Variants in SP1 observed in about 807,000 individuals in gnomAD.
SP1 encodes transcription factor Sp1.
Under a neutral mutation model 66.3 loss-of-function variants are expected in SP1, and 6 were observed. The ratio of observed to expected loss-of-function variants is 0.09; its 90% confidence interval spans 0.05 to 0.18. The LOEUF (loss-of-function observed/expected upper bound fraction) is 0.18. Ranked by LOEUF, SP1 falls within the 10% of genes least tolerant of loss-of-function variation. The probability of loss-of-function intolerance (pLI) is 1.00; values close to 1 mark genes in which losing one functional copy is unlikely to be tolerated. For synonymous variants in SP1, 417 were observed against 360.8 expected (o/e 1.16, Z -1.77); for missense variants, 848 against 964.5 (o/e 0.88, Z 1.60).
At chr12:53,404,542 CAAA>C (rs373558863) in intron 3 of SP1, among the ~76,000 whole-genome samples, 3 of 95,818 alleles carry the variant, frequency 3.1e-5, no homozygotes, top group Admixed American at 1.1e-4. Flanking sequence ...AACTCAGTCT[CAAA>C]AAAAAAAAAA....
intron 5 of SP1, among the ~76,000 whole-genome samples, chr12:53,410,114 C>T (rs982387932): frequency 3.3e-5 from 5 of 152,002 alleles, no homozygotes; most frequent in Non-Finnish European, 5.9e-5. Flanking sequence ...CAAGACCAGC[C>T]TGGCCAACAT....
At chr12:53,404,270 AC>A (rs1175808182) in intron 3 of SP1, among the ~76,000 whole-genome samples, 2 of 150,732 alleles carry the variant, frequency 1.3e-5, no homozygotes, top group African/African-American at 2.4e-5. Context: ...GCGGTGACTC[AC>A]GCCTGTAATC....
chr12:53,405,361 G>A (rs1053008769), intron 3 of SP1, among the ~76,000 whole-genome samples: 1 of 152,060 alleles, frequency 6.6e-6, no homozygotes, highest in Non-Finnish European at 1.5e-5. Context: ...ATCACTATTT[G>A]TGTATGAAAA....
chr12:53,380,610 G>A, intron 1 of SP1: 1 of 1,016,020 alleles, frequency 9.8e-7, no homozygotes, highest in Non-Finnish European at 1.2e-6. Flanking sequence ...CCTCCCGCCG[G>A]GGGCTGGAGC....
intron 3 of SP1, among the ~76,000 whole-genome samples, chr12:53,388,143 T>C (rs900281460): frequency 2.0e-5 from 3 of 152,208 alleles, no homozygotes; most frequent in Non-Finnish European, 4.4e-5. Context: ...CTCTACAACG[T>C]AGAAAATTAG....
chr12:53,389,074 TAGAA>T (rs1431527242), intron 3 of SP1, among the ~76,000 whole-genome samples: 1 of 152,080 alleles, frequency 6.6e-6, no homozygotes, highest in Non-Finnish European at 1.5e-5. Flanking sequence ...TGGTACGATG[TAGAA>T]AGAACATTGG....
intron 3 of SP1, among the ~76,000 whole-genome samples, chr12:53,402,823 G>A (rs578090906): frequency 2.6e-5 from 4 of 151,900 alleles, no homozygotes; most frequent in Non-Finnish European, 5.9e-5. Context: ...AAAATTAACC[G>A]AGCGTGGTGG....
Position 53,413,086 on chromosome 12 carries a change from T to G in SP1, c.*1846T>G, listed in dbSNP as rs1165853680. On this transcript the variant is annotated 3_prime_UTR_variant, in exon 6 of 6. Coordinates refer to ENST00000327443, the MANE Select transcript of SP1 (RefSeq NM_138473.3). ...TTTGTATGTGTGGGTGAATGTGTGT[T>G]CATGCCCGTATATGTCTACACACAG... 5 of 152,546 alleles carry G rather than the reference T, an allele frequency of 3.3e-5. No individual in the cohort carries two copies. The highest frequency in any genetic ancestry group is 7.4e-5 in the Non-Finnish European group (5 of 68,014). 9.4% of individuals were successfully genotyped at this position (152,546 alleles called of 1,614,324 possible).
At chr12:53,408,928 AAAG>A (rs1253032700) in intron 4 of SP1, among the ~76,000 whole-genome samples, 1 of 149,700 alleles carries the variant, frequency 6.7e-6, no homozygotes, top group Non-Finnish European at 1.5e-5. Flanking sequence ...CGAACAAAAA[AAAG>A]AAGCCTTGGT....
chr12:53,409,280 G>A (rs940983161), intron 4 of SP1, 82 bp from the exon 5 acceptor site: 2 of 1,163,182 alleles, frequency 1.7e-6, no homozygotes, highest in Non-Finnish European at 2.5e-6. Context: ...GTTTGGTGTC[G>A]ATTGGGTGAT....
At chr12:53,403,103 C>G (rs957156449) in intron 3 of SP1, among the ~76,000 whole-genome samples, 1 of 151,814 alleles carries the variant, frequency 6.6e-6, no homozygotes, top group East Asian at 1.9e-4. Context: ...GACCAAGATT[C>G]TACTGCACTC....
At chr12:53,400,263 C>T (rs146862126) in intron 3 of SP1, among the ~76,000 whole-genome samples, 189 of 152,312 alleles carry the variant, frequency 1.2e-3, no homozygotes, top group Non-Finnish European at 1.6e-3. Context: ...TAGAATCTTA[C>T]AGTATGTGGT....
chr12:53,380,929 C>CTTGGAT, intron 1 of SP1, among the ~76,000 whole-genome samples: 1 of 148,858 alleles, frequency 6.7e-6, no homozygotes, highest in Non-Finnish European at 1.5e-5. Context: ...ACTTTTCACA[C>CTTGGAT]TTGGATTTTT....
At chr12:53,391,109 T>C (rs1938340764) in intron 3 of SP1, among the ~76,000 whole-genome samples, 1 of 152,150 alleles carries the variant, frequency 6.6e-6, no homozygotes, top group African/African-American at 2.4e-5. Flanking sequence ...AGTTTTTTCA[T>C]TTTACTATTT....
chr12:53,412,930 C>CTGTGTGTGTGTG lies in SP1; in HGVS notation c.*1716_*1727dup, dbSNP rs57242856. ...TGTGAGGAAGTGTGGAAAAATAGCT[C>CTGTGTGTGTGTG]TGTGTGTGTGTGTGTGTGTGTGTGT... On this transcript the variant is annotated 3_prime_UTR_variant, in exon 6 of 6. Coordinates refer to ENST00000327443, the MANE Select transcript of SP1 (RefSeq NM_138473.3). The CTGTGTGTGTGTG allele has an allele frequency of 1.1e-4, 16 of 147,340 alleles. No homozygotes were observed. The highest frequency in any genetic ancestry group is 4.0e-4 in the African/African-American group (16 of 39,934). 9.1% of individuals were successfully genotyped at this position (147,340 alleles called of 1,614,324 possible).
chr12:53,384,271 CTTTTCTTTTTTTTCTT>C (rs1238102691), intron 3 of SP1, among the ~76,000 whole-genome samples: 1 of 147,074 alleles, frequency 6.8e-6, no homozygotes, highest in Non-Finnish European at 1.5e-5. Context: ...GCCCGGCTTT[CTTTTCTTTTTTTTCTT>C]TTTTCTTTTT....
chr12:53,380,181 C>T lies in SP1; in HGVS notation c.-111C>T, dbSNP rs1022453427. 4.3e-5 allele frequency: 32 copies of T among 752,026 alleles called. No individual in the cohort carries two copies. The highest frequency in any genetic ancestry group is 7.6e-5 in the Non-Finnish European group (32 of 420,196). 46.6% of individuals were successfully genotyped at this position (752,026 alleles called of 1,614,324 possible). ...CGCGCTGCTCCCTCCTCCTTACCCC[C>T]CCCTCCCTGTCCGGTCCGGGTTCGC... On this transcript the variant is annotated 5_prime_UTR_variant, in exon 1 of 6. Transcript: ENST00000327443.
rs765963858 is a variant in SP1 at position 53,382,026 on chromosome 12, G to T, written c.163-84G>T. 6 of 1,345,538 alleles carry T rather than the reference G, an allele frequency of 4.5e-6. No homozygotes were observed. The South Asian group carries it at 6.6e-5, about 15-fold the overall frequency. The allele number at this position is 1,345,538 out of a possible 1,614,324, so 83.3% of individuals were successfully genotyped here. ...GTTTTTTGCTCCTTGTCTGCACTAC[G>T]TTGCTGTTTATTTGTTGTATACTGC... On this transcript the variant is annotated intron_variant, in intron 2 of 5. Coordinates refer to ENST00000327443, the MANE Select transcript of SP1 (RefSeq NM_138473.3).
At chr12:53,400,669 A>G (rs1300473210) in intron 3 of SP1, among the ~76,000 whole-genome samples, 3 of 138,706 alleles carry the variant, frequency 2.2e-5, no homozygotes, top group Non-Finnish European at 1.6e-5. Context: ...GCTCACTGCA[A>G]CCTCCACCTC....
Sources: allele counts gnomAD v4.1 joint callset (sites outside exome capture counted in the v4.1 genomes callset), GRCh38; gene constraint gnomAD v4.1.1; transcripts MANE v1.5; gene names NCBI Gene and HGNC (gene_info 2026-07-23, HGNC 2026-07-21).